The following WDR47 variants were observed in gnomAD, a reference collection of about 807,000 sequenced individuals.
WDR47 encodes WD repeat domain 47, also known as WD repeat-containing protein 47.
In WDR47, 32 loss-of-function variants were observed where a neutral mutation model predicts 97.2. That is an observed-to-expected ratio of 0.33 (90% CI 0.25 to 0.44). The LOEUF is 0.44. Ranked by LOEUF, WDR47 falls within the 20% of genes least tolerant of loss-of-function variation. The probability of loss-of-function intolerance (pLI) is 1.00; values close to 1 mark genes in which losing one functional copy is unlikely to be tolerated. For missense variants in WDR47, 782 were observed against 1,102.3 expected, an observed-to-expected ratio of 0.71 and a Z score of 4.11; for synonymous variants, 375 against 373.5, an observed-to-expected ratio of 1.00 and a Z score of -0.05.
chr1:108,978,493 CA>C (rs201610690), intron 13 of WDR47, among the ~76,000 whole-genome samples: 31,569 of 92,592 alleles, frequency 0.34, 3,152 homozygotes, highest in Admixed American at 0.41. Flanking sequence ...GTCTCAAAAG[CA>C]AAAAAAAAAA....
chr1:108,988,592 G>T lies in WDR47; in HGVS notation c.1768-1912C>A, dbSNP rs372668423. On this transcript the variant is annotated intron_variant, in intron 9 of 14. Transcript: ENST00000369962. ...AGCTACTCAGGGCGCTGGGGTGGGG[G>T]GATCACTTGAGCCTGGGAGGTCAAA... 4.0e-5 allele frequency among the ~76,000 whole-genome samples: 6 copies of T among 151,880 alleles called. 1 individual carries two copies. Among genetic ancestry groups the T allele is most frequent in the African/African-American group, 1.4e-4 (6 of 41,456 alleles).
chr1:108,990,238 T>A (rs1659218191), intron 9 of WDR47, among the ~76,000 whole-genome samples: 1 of 151,962 alleles, frequency 6.6e-6, no homozygotes, highest in African/African-American at 2.4e-5. Context: ...AGACAGAGTC[T>A]TGCTCTGTCC....
Position 109,011,383 on chromosome 1 carries a change from T to C in WDR47, c.663A>G (p.Thr221=). The C allele has an allele frequency of 6.2e-7, 1 of 1,614,248 alleles. No individual in the cohort carries two copies. Among genetic ancestry groups the C allele is most frequent in the Non-Finnish European group, 8.5e-7 (1 of 1,180,042 alleles). Residue 221 remains threonine, a synonymous_variant, in exon 5 of 15, where the codon ACA becomes ACG. Coordinates refer to ENST00000369962, the MANE Select transcript of WDR47 (RefSeq NM_001142551.2). The part of the protein sequence containing the change: ...CQSKATGEEI[T]ESEVLLGIDL... The stretch of plus-strand genomic sequence containing the variant: ...CGATGCCAAGAAGCACTTCGCTTTC[T>C]GTAATTTCTTCTCCAGTTGCTTTAC...
intron 1 of WDR47, among the ~76,000 whole-genome samples, chr1:109,028,362 G>GTTTTTT (rs372929187): frequency 0.35 from 28,017 of 79,678 alleles, 6,319 homozygotes; most frequent in East Asian, 0.6. Context: ...TTTTTGTTGG[G>GTTTTTT]TTTTTTTTTT....
At chr1:109,012,384 C>T (rs1661093532) in intron 4 of WDR47, among the ~76,000 whole-genome samples, 1 of 151,722 alleles carries the variant, frequency 6.6e-6, no homozygotes, top group African/African-American at 2.4e-5. Flanking sequence ...CCAGCCTGGC[C>T]AACACAGTGA....
Position 108,970,801 on chromosome 1 carries a change from C to A in WDR47, c.*629G>T, listed in dbSNP as rs1452231472. ...AATTATATGACAAAATAATCATATCCCTGGGTTTAAGAAAAAAGGGCCTAT... is the reference window on the plus strand; with the variant it reads ...AATTATATGACAAAATAATCATATCACTGGGTTTAAGAAAAAAGGGCCTAT... On this transcript the variant is annotated 3_prime_UTR_variant, in exon 15 of 15. Transcript: ENST00000369962. 6.6e-6 allele frequency: 1 copy of A among 152,368 alleles called. No individual in the cohort carries two copies. Among genetic ancestry groups the A allele is most frequent in the Non-Finnish European group, 1.5e-5 (1 of 68,026 alleles). 9.4% of individuals were successfully genotyped at this position (152,368 alleles called of 1,614,324 possible). A position where few individuals can be genotyped will look rare whatever the true frequency, so the allele number is the denominator to read the frequency against.
At chr1:108,986,774 T>C (rs111769454) in intron 9 of WDR47, 94 bp from the exon 10 acceptor site, 1 of 1,103,892 alleles carries the variant, frequency 9.1e-7, no homozygotes, top group Non-Finnish European at 1.3e-6. Context: ...AACTTTATTA[T>C]TCTTGTTGGA....
Position 108,982,614 on chromosome 1 carries a change from T to A in WDR47, c.2261A>T (p.His754Leu). ...TTGAAACTGATATTACATACCAGTA[T>A]GTCCACTCAAAGCATGGAGGCCCTG... ...RGQGLHALSG[H>L]TGHILALYTW... Residue 754 changes from histidine (H) to leucine (L), a missense_variant, in exon 12 of 15, where the codon CAT becomes CTT. Coordinates refer to ENST00000369962, the MANE Select transcript of WDR47 (RefSeq NM_001142551.2). The A allele has an allele frequency of 6.2e-7, 1 of 1,600,166 alleles. No homozygotes were observed. Among genetic ancestry groups the A allele is most frequent in the East Asian group, 2.2e-5 (1 of 44,808 alleles).
intron 3 of WDR47, 59 bp downstream of exon 3, chr1:109,017,459 A>T: frequency 6.9e-7 from 1 of 1,440,686 alleles, no homozygotes; most frequent in Non-Finnish European, 9.6e-7. Context: ...ATTTTTGTTC[A>T]TTGTTTTGCT....
chr1:109,010,006 AACAAAAAAAC>A (rs983863321), intron 5 of WDR47, among the ~76,000 whole-genome samples: 4 of 152,100 alleles, frequency 2.6e-5, no homozygotes, highest in African/African-American at 9.6e-5. Flanking sequence ...CTCAAAAAAA[AACAAAAAAAC>A]AAAAAAACAT....
chr1:108,981,790 A>C lies in WDR47; in HGVS notation c.2341T>G (p.Trp781Gly). 1 of 1,613,956 alleles carries C rather than the reference A, an allele frequency of 6.2e-7. No individual in the cohort carries two copies. Reference protein sequence around the residue: ...SGSQDKTVRFWDLRVPSCVRV... With the variant: ...SGSQDKTVRFGDLRVPSCVRV... Reference sequence around the variant, plus strand: ...ACACAACTTGGTACTCGAAGATCCCAAAATCTAACAGTCTTATCTTGGGAA... The same window carrying C: ...ACACAACTTGGTACTCGAAGATCCCCAAATCTAACAGTCTTATCTTGGGAA... The change falls in exon 13 of 15, where the codon TGG becomes GGG. Residue 781 changes from tryptophan to glycine, a missense_variant. By Grantham distance (184) the Trp-to-Gly change is radical. Around this residue, in one of 3 missense-constraint regions of WDR47, gnomAD observed 228 missense variants for 396.7 expected, o/e 0.57. Transcript: ENST00000369962.
Position 109,008,977 on chromosome 1 carries a change from C to G in WDR47, c.1130+1939G>C, listed in dbSNP as rs186665989. ...GCGCACGCCTGTAATCCCAGCTACT[C>G]GGGAGGCTGAGGCAGGAGAATCGCT... On this transcript the variant is annotated intron_variant, in intron 5 of 14. Transcript: ENST00000369962. 1.3e-3 allele frequency among the ~76,000 whole-genome samples: 196 copies of G among 151,366 alleles called. 1 individual carries two copies. The highest frequency in any genetic ancestry group is 4.5e-3 in the African/African-American group (186 of 41,340).
chr1:109,023,128 G>A (rs180826680), intron 2 of WDR47, among the ~76,000 whole-genome samples: 45 of 151,892 alleles, frequency 3.0e-4, no homozygotes, highest in East Asian at 9.8e-4. Flanking sequence ...GCGTGAACCC[G>A]GGAGGCGGAG....
intron 9 of WDR47, chr1:108,986,892 C>G: frequency 2.5e-6 from 1 of 407,050 alleles, no homozygotes; most frequent in Non-Finnish European, 4.5e-6. Flanking sequence ...GACAAGTAGG[C>G]TACAGTGAAG....
chr1:109,029,986 T>C (rs3861913), intron 1 of WDR47: 2 of 390,390 alleles, frequency 5.1e-6, no homozygotes, highest in Admixed American at 8.9e-5. Context: ...ATATCACTGG[T>C]AGCTTTCTAA....
rs1033703422 is a variant in WDR47, at chr1:109,039,591, T to C, written c.-10+2271A>G. Among the ~76,000 whole-genome samples the C allele has an allele frequency of 2.6e-5, 4 of 152,298 alleles. No homozygotes were observed. In the East Asian group the frequency reaches 7.7e-4, roughly 29 times the overall value. Reference sequence around the variant, plus strand: ...CCCTTTTTTAAGGATATCTTTTCACTTGAACAGAAACAAACTCAACATAGA... The same window carrying C: ...CCCTTTTTTAAGGATATCTTTTCACCTGAACAGAAACAAACTCAACATAGA... On this transcript the variant is annotated intron_variant, in intron 1 of 14. Transcript: ENST00000369962.
chr1:109,030,505 T>C (rs1337135633), intron 1 of WDR47, among the ~76,000 whole-genome samples: 1 of 152,082 alleles, frequency 6.6e-6, no homozygotes, highest in Non-Finnish European at 1.5e-5. Flanking sequence ...TTAAGAGAAC[T>C]AGGGCACAGT....
At chr1:109,021,746 C>G (rs1331025639) in intron 2 of WDR47, among the ~76,000 whole-genome samples, 3 of 151,840 alleles carry the variant, frequency 2.0e-5, no homozygotes, top group African/African-American at 7.3e-5. Flanking sequence ...AGGCTGGTCT[C>G]GAACTCCTAA....
At chr1:108,980,880 C>T (rs12756244) in intron 13 of WDR47, among the ~76,000 whole-genome samples, 10,515 of 152,098 alleles carry the variant, frequency 0.069, 480 homozygotes, top group Middle Eastern at 0.13. Flanking sequence ...GTAATCCCAG[C>T]ACTGTGGGAG....
Sources: allele counts gnomAD v4.1 joint callset (sites outside exome capture counted in the v4.1 genomes callset), GRCh38; gene constraint gnomAD v4.1.1; regional missense constraint gnomAD v4.1.1; transcripts MANE v1.5; gene names NCBI Gene and HGNC (gene_info 2026-07-23, HGNC 2026-07-21).